ZNHIT6: variants seen among roughly 807,000 people sequenced by gnomAD.
The protein encoded by ZNHIT6 is box C/D snoRNA protein 1.
In ZNHIT6, 45 loss-of-function variants were observed where a neutral mutation model predicts 57.2. The observed-to-expected ratio is 0.79, with a 90% confidence interval of 0.62 to 1.01. The LOEUF (loss-of-function observed/expected upper bound fraction) is 1.01, where lower values mean the gene tolerates loss of function less well. Ranked by LOEUF, ZNHIT6 falls within the 50% of genes least tolerant of loss-of-function variation. The probability of loss-of-function intolerance (pLI) is 0.00; values close to 1 mark genes in which losing one functional copy is unlikely to be tolerated. For missense variants in ZNHIT6, 528 were observed against 567.3 expected (o/e 0.93, Z 0.70); for synonymous variants, 188 against 190.0 (o/e 0.99, Z 0.09).
At chr1:85,659,537 C>A (rs559650168) in intron 8 of ZNHIT6, among the ~76,000 whole-genome samples, 1 of 152,298 alleles carries the variant, frequency 6.6e-6, no homozygotes, top group East Asian at 1.9e-4. Flanking sequence ...AAAAAGCACA[C>A]TGGAACACAA....
chr1:85,672,035 T>A (rs1661568837), intron 8 of ZNHIT6, among the ~76,000 whole-genome samples: 1 of 152,210 alleles, frequency 6.6e-6, no homozygotes, highest in African/African-American at 2.4e-5. Context: ...TCTGGAAGGA[T>A]AATATTACTA....
At chr1:85,670,436 T>C (rs1488372663) in intron 8 of ZNHIT6, among the ~76,000 whole-genome samples, 1 of 152,106 alleles carries the variant, frequency 6.6e-6, no homozygotes, top group East Asian at 1.9e-4. Flanking sequence ...CATATATACA[T>C]ATATATACAC....
chr1:85,660,299 C>A (rs545287165), intron 8 of ZNHIT6, among the ~76,000 whole-genome samples: 1 of 152,254 alleles, frequency 6.6e-6, no homozygotes, highest in South Asian at 2.1e-4. Flanking sequence ...AATAACTTAT[C>A]TTCTGTGCAT....
chr1:85,664,180 G>T (rs751662248), intron 8 of ZNHIT6, among the ~76,000 whole-genome samples: 192 of 152,276 alleles, frequency 1.3e-3, no homozygotes, highest in Admixed American at 1.4e-3. Context: ...CCCCTTCAGG[G>T]ATGCCAATGA....
intron 8 of ZNHIT6, among the ~76,000 whole-genome samples, chr1:85,660,471 T>G (rs1258239769): frequency 6.6e-6 from 1 of 152,156 alleles, no homozygotes; most frequent in African/African-American, 2.4e-5. Flanking sequence ...TCTCTAGATT[T>G]CCAAAGCTGA....
chr1:85,702,559 T>C (rs1419157108), intron 4 of ZNHIT6, among the ~76,000 whole-genome samples: 1 of 152,176 alleles, frequency 6.6e-6, no homozygotes, highest in Admixed American at 6.5e-5. Flanking sequence ...ATATGTTCTG[T>C]GAGCCAAAGA....
intron 8 of ZNHIT6, among the ~76,000 whole-genome samples, chr1:85,664,761 CT>C (rs1213511926): frequency 9.2e-5 from 14 of 152,038 alleles, no homozygotes; most frequent in Non-Finnish European, 1.3e-4. Context: ...ACACGTACCC[CT>C]GAACCTAAAA....
In ZNHIT6 at chr1:85,706,454, C is replaced by T. The variant is rs763391161; in HGVS notation, c.710G>A (p.Arg237Gln). 4 of 1,610,920 alleles carry T rather than the reference C, an allele frequency of 2.5e-6. No homozygotes were observed. The highest frequency in any genetic ancestry group is 1.3e-5 in the African/African-American group (1 of 74,744). ...GTTACATGTATACCTGCAGGAATATCGCATACAACGTGGACATCTGTACTT... is the reference window on the plus strand; with the variant it reads ...GTTACATGTATACCTGCAGGAATATTGCATACAACGTGGACATCTGTACTT... Reference protein sequence around the residue: ...EAKYRCPRCMRYSCSLPCVKK... With the variant: ...EAKYRCPRCMQYSCSLPCVKK... Residue 237 changes from arginine (R) to glutamine (Q), a missense_variant, in exon 2 of 10, where the codon CGA (arginine) becomes CAA (glutamine). By Grantham distance (43) the Arg-to-Gln change is conservative. Transcript: ENST00000370574.
chr1:85,681,961 A>T (rs2100685027), intron 5 of ZNHIT6, among the ~76,000 whole-genome samples: 1 of 151,382 alleles, frequency 6.6e-6, no homozygotes, highest in Admixed American at 6.6e-5. Context: ...CCATAATAGC[A>T]TTATCACAAG....
At position 85,706,298 on chromosome 1, in the gene ZNHIT6, T is replaced by A. The variant is rs1662683274; in HGVS notation, c.780A>T (p.Lys260Asn). ...AELTCNGVRD[K>N]TAYISIQQFT... ...ACTGTTGTATTGAAATGTATGCAGT[T>A]TTATCTCGAACTCCATTACATGTCA... The change falls in exon 3 of 10, where the codon AAA (lysine) becomes AAT (asparagine). Residue 260 changes from lysine to asparagine, a missense_variant. Coordinates refer to ENST00000370574, the MANE Select transcript of ZNHIT6 (RefSeq NM_017953.4). 3.1e-6 allele frequency: 5 copies of A among 1,613,092 alleles called. No homozygotes were observed. The highest frequency in any genetic ancestry group is 4.2e-6 in the Non-Finnish European group (5 of 1,179,490).
chr1:85,673,751 AAGGATGTAACTGTAATGTACTTTCCTTT>A (rs1661628406), intron 8 of ZNHIT6, among the ~76,000 whole-genome samples: 2 of 68,308 alleles, frequency 2.9e-5, no homozygotes, highest in Non-Finnish European at 7.1e-5. Context: ...ACTTTCCTTT[AAGGATGTAACTGTAATGTACTTTCCTTT>A]AAGGATGTAC....
intron 8 of ZNHIT6, among the ~76,000 whole-genome samples, chr1:85,667,795 G>T (rs1360384175): frequency 2.7e-5 from 4 of 149,984 alleles, no homozygotes; most frequent in African/African-American, 9.8e-5. Context: ...TTAGCCAGGT[G>T]TGGTAGTGTG....
intron 5 of ZNHIT6, among the ~76,000 whole-genome samples, chr1:85,689,429 T>A (rs1662152450): frequency 6.6e-6 from 1 of 152,196 alleles, no homozygotes; most frequent in Non-Finnish European, 1.5e-5. Context: ...AATTATTTGG[T>A]ATAGATTAAA....
intron 8 of ZNHIT6, among the ~76,000 whole-genome samples, chr1:85,674,843 C>T (rs1472032122): frequency 1.3e-5 from 2 of 152,186 alleles, no homozygotes; most frequent in Non-Finnish European, 2.9e-5. Flanking sequence ...TCAAACTTGA[C>T]TCTGACAAAA....
chr1:85,704,917 TAAAAA>T (rs1013830656), intron 4 of ZNHIT6, among the ~76,000 whole-genome samples: 4 of 152,146 alleles, frequency 2.6e-5, no homozygotes, highest in Admixed American at 6.5e-5. Context: ...TTTAAGGAAT[TAAAAA>T]AGGAATGCAA....
In ZNHIT6 at chr1:85,707,796, C is replaced by T. The variant is rs1400657944; in HGVS notation, c.489G>A (p.Gln163=). 2 of 1,614,148 alleles carry T rather than the reference C, an allele frequency of 1.2e-6. No individual in the cohort carries two copies. The highest frequency in any genetic ancestry group is 2.2e-5 in the South Asian group (2 of 91,070). The change falls in exon 1 of 10, where the codon CAG becomes CAA. Residue 163 remains glutamine (Q), a synonymous_variant. Coordinates refer to ENST00000370574, the MANE Select transcript of ZNHIT6 (RefSeq NM_017953.4). ...TGCATTGACCAACAAACTTCTCCTC[C>T]TGTTTTATCTCCAAGTTATCCTTCT... ...KEEKDNLEIK[Q]EEKFVGQCIK...
At chr1:85,670,208 T>G (rs1162557033) in intron 8 of ZNHIT6, among the ~76,000 whole-genome samples, 1 of 152,154 alleles carries the variant, frequency 6.6e-6, no homozygotes, top group African/African-American at 2.4e-5. Flanking sequence ...GCCCACTATC[T>G]GTTTTTGTAA....
In ZNHIT6 at chr1:85,653,976, C is replaced by T. The variant is rs1660985578; in HGVS notation, c.*82G>A. 5.2e-6 allele frequency: 6 copies of T among 1,148,182 alleles called. No individual in the cohort carries two copies. The South Asian group carries it at 8.2e-5, about 16-fold the overall frequency. 71.1% of individuals were successfully genotyped at this position (1,148,182 alleles called of 1,614,324 possible). On this transcript the variant is annotated 3_prime_UTR_variant, in exon 10 of 10. Transcript: ENST00000370574. The stretch of plus-strand genomic sequence containing the variant: ...AAATTCCAATCACCCATTGACAATA[C>T]CCCAATCAGCCAACAGCCCATCAAT...
chr1:85,701,934 A>G (rs1662540790), intron 5 of ZNHIT6, among the ~76,000 whole-genome samples: 3 of 78,518 alleles, frequency 3.8e-5, no homozygotes, highest in Admixed American at 3.4e-4. Flanking sequence ...TTCTCAAATG[A>G]TATGAAGACA....
Sources: gnomAD v4.1 joint callset for allele counts (sites outside exome capture counted in the v4.1 genomes callset) on GRCh38, gnomAD v4.1.1 for gene constraint, MANE v1.5 for transcripts, NCBI Gene and HGNC (gene_info 2026-07-23, HGNC 2026-07-21) for gene names.